TSPAN5: variants seen among roughly 807,000 people sequenced by gnomAD.
TSPAN5 encodes the protein tetraspanin-5.
In TSPAN5, 10 loss-of-function variants were observed where a neutral mutation model predicts 37.1. The observed-to-expected ratio is 0.27, with a 90% confidence interval of 0.17 to 0.46. The LOEUF is 0.46. Among genes scored for constraint, TSPAN5 ranks in the 20% least tolerant of loss-of-function variants. The probability of loss-of-function intolerance (pLI) is 1.00; values close to 1 mark genes in which losing one functional copy is unlikely to be tolerated. For missense variants in TSPAN5, 195 were observed against 326.6 expected (o/e 0.60, Z 3.11); for synonymous variants, 110 against 118.9 (o/e 0.93, Z 0.48).
Position 98,623,921 on chromosome 4 carries a change from A to C in TSPAN5, c.81+34225T>G, listed in dbSNP as rs867500965. On this transcript the variant is annotated intron_variant, in intron 1 of 7. Coordinates refer to ENST00000305798, the MANE Select transcript of TSPAN5 (RefSeq NM_005723.4). ...CCATTTACAGAAGAGGTGTCCTCCC[A>C]GAGTAAGTTTGGATATTAGTTATTT... 4.5e-4 allele frequency among the ~76,000 whole-genome samples: 68 copies of C among 152,194 alleles called. 1 individual carries two copies. Among genetic ancestry groups the C allele is most frequent in the African/African-American group, 1.6e-3 (65 of 41,454 alleles).
At chr4:98,493,039 C>T (rs1360022686) in intron 2 of TSPAN5, among the ~76,000 whole-genome samples, 2 of 152,018 alleles carry the variant, frequency 1.3e-5, no homozygotes, top group Non-Finnish European at 2.9e-5. Flanking sequence ...AAGTCAGGTA[C>T]ACTGGTGTGT....
At chr4:98,607,029 A>T (rs578070162) in intron 1 of TSPAN5, among the ~76,000 whole-genome samples, 291 of 152,020 alleles carry the variant, frequency 1.9e-3, no homozygotes, top group Non-Finnish European at 2.9e-3. Context: ...CAGTTGGGGG[A>T]AGGGAGCAGC....
rs150517837 is a variant in TSPAN5, at chr4:98,551,956, T to C, written c.82-44228A>G. ...TCAGGAGGTTGTGTCCCCAGGAGTT[T>C]ATCCATTTCTTCCAGCTTTTCTAGT... On this transcript the variant is annotated intron_variant, in intron 1 of 7. Coordinates refer to ENST00000305798, the MANE Select transcript of TSPAN5 (RefSeq NM_005723.4). 6.2e-3 allele frequency among the ~76,000 whole-genome samples: 938 copies of C among 152,268 alleles called. 10 individuals are homozygous for C. The highest frequency in any genetic ancestry group is 0.01 in the Middle Eastern group (3 of 294).
chr4:98,533,815 G>C (rs1345101492), intron 1 of TSPAN5, among the ~76,000 whole-genome samples: 2 of 149,938 alleles, frequency 1.3e-5, no homozygotes, highest in Non-Finnish European at 3.0e-5. Context: ...CTCCCAAAGT[G>C]CTGGGATTAC....
chr4:98,503,524 C>T (rs1363591798), intron 2 of TSPAN5, among the ~76,000 whole-genome samples: 1 of 152,088 alleles, frequency 6.6e-6, no homozygotes, highest in Non-Finnish European at 1.5e-5. Flanking sequence ...CAGGGTAGAT[C>T]CAGAATCAAT....
chr4:98,498,112 C>T (rs1041441431), intron 2 of TSPAN5, among the ~76,000 whole-genome samples: 2 of 152,158 alleles, frequency 1.3e-5, no homozygotes, highest in African/African-American at 4.8e-5. Context: ...AAAAGAACTA[C>T]ACTTCTCAGC....
intron 1 of TSPAN5, among the ~76,000 whole-genome samples, chr4:98,637,930 AAAAG>A (rs1401885935): frequency 6.6e-6 from 1 of 152,212 alleles, no homozygotes; most frequent in Admixed American, 6.5e-5. Context: ...GGTGAAAAGA[AAAAG>A]AAAGAAAGAA....
At chr4:98,630,591 T>C (rs1012784447) in intron 1 of TSPAN5, among the ~76,000 whole-genome samples, 5 of 152,306 alleles carry the variant, frequency 3.3e-5, no homozygotes, top group Non-Finnish European at 4.4e-5. Flanking sequence ...CCCGGGAGAC[T>C]GTGCACATAA....
At chr4:98,648,368 G>A (rs559181651) in intron 1 of TSPAN5, among the ~76,000 whole-genome samples, 2 of 152,286 alleles carry the variant, frequency 1.3e-5, no homozygotes, top group South Asian at 4.1e-4. Flanking sequence ...TGAAGGAGAA[G>A]GTGGTCTGCC....
intron 1 of TSPAN5, among the ~76,000 whole-genome samples, chr4:98,579,762 T>A (rs529598409): frequency 6.6e-6 from 1 of 152,340 alleles, no homozygotes; most frequent in East Asian, 1.9e-4. Flanking sequence ...GGCTTAGCTA[T>A]GGAAGGCGAA....
chr4:98,515,512 G>GCTCTCT lies in TSPAN5; in HGVS notation c.82-7790_82-7785dup, dbSNP rs59536964. Among the ~76,000 whole-genome samples the GCTCTCT allele has an allele frequency of 7.2e-4, 105 of 146,812 alleles. No homozygotes were observed. In the East Asian group the frequency reaches 9.6e-3, roughly 13 times the overall value. On this transcript the variant is annotated intron_variant, in intron 1 of 7. Transcript: ENST00000305798. ...ATATACTAGTTCACAGTGATCAGAG[G>GCTCTCT]CTCTCTCTCTCTCTCTCTCTCTCCC...
At chr4:98,544,052 C>G (rs1049758202) in intron 1 of TSPAN5, among the ~76,000 whole-genome samples, 1 of 151,930 alleles carries the variant, frequency 6.6e-6, no homozygotes, top group African/African-American at 2.4e-5. Flanking sequence ...TGGTAGTGCA[C>G]GCCTGTAGTC....
intron 1 of TSPAN5, among the ~76,000 whole-genome samples, chr4:98,561,840 G>A (rs900608030): frequency 2.6e-5 from 4 of 152,184 alleles, no homozygotes; most frequent in African/African-American, 9.6e-5. Context: ...CACAACACAA[G>A]GAAGACATAA....
At chr4:98,599,534 C>G (rs1755836580) in intron 1 of TSPAN5, among the ~76,000 whole-genome samples, 1 of 152,086 alleles carries the variant, frequency 6.6e-6, no homozygotes, top group African/African-American at 2.4e-5. Context: ...GTAACCATCC[C>G]CACAATCAAA....
At chr4:98,627,534 C>T (rs1456024121) in intron 1 of TSPAN5, among the ~76,000 whole-genome samples, 1 of 152,184 alleles carries the variant, frequency 6.6e-6, no homozygotes, top group African/African-American at 2.4e-5. Context: ...TCCAAATGTT[C>T]CTATTTCCCT....
intron 1 of TSPAN5, among the ~76,000 whole-genome samples, chr4:98,654,779 G>A (rs1040669717): frequency 2.0e-5 from 3 of 152,240 alleles, no homozygotes; most frequent in African/African-American, 7.2e-5. Flanking sequence ...AGTGGGGAGA[G>A]AGAAGCACGG....
At chr4:98,504,082 G>C (rs550338675) in intron 2 of TSPAN5, among the ~76,000 whole-genome samples, 18 of 152,316 alleles carry the variant, frequency 1.2e-4, no homozygotes, top group African/African-American at 4.3e-4. Flanking sequence ...CTGATATTAA[G>C]TATGGGGTAA....
intron 1 of TSPAN5, among the ~76,000 whole-genome samples, chr4:98,595,591 C>G (rs1167075201): frequency 7.6e-6 from 1 of 132,118 alleles, no homozygotes; most frequent in Non-Finnish European, 1.6e-5. Flanking sequence ...AAATTTCCCT[C>G]TACACACTGC....
At chr4:98,521,256 C>T (rs1753849054) in intron 1 of TSPAN5, among the ~76,000 whole-genome samples, 1 of 152,142 alleles carries the variant, frequency 6.6e-6, no homozygotes, top group Non-Finnish European at 1.5e-5. Context: ...GTGAGTCCTT[C>T]GTTACTATCT....
Sources: allele counts gnomAD v4.1 joint callset (sites outside exome capture counted in the v4.1 genomes callset), GRCh38; gene constraint gnomAD v4.1.1; transcripts MANE v1.5; gene names NCBI Gene and HGNC (gene_info 2026-07-23, HGNC 2026-07-21).